The following PCDHGB3 variants were observed in gnomAD, a reference collection of about 807,000 sequenced individuals.
PCDHGB3 encodes protocadherin gamma-B3.
PCDHGB3 carries 40 observed loss-of-function variants against 59.2 expected under a neutral mutation model. That is an observed-to-expected ratio of 0.68 (90% confidence interval 0.52 to 0.88). The LOEUF is 0.88. Ranked by LOEUF, PCDHGB3 falls within the 40% of genes least tolerant of loss-of-function variation. The pLI, the probability that PCDHGB3 is intolerant of heterozygous loss-of-function variation, is 0.00. For missense variants in PCDHGB3, 1,309 were observed against 1,187.9 expected (o/e 1.10, Z -1.50); for synonymous variants, 581 against 503.6 (o/e 1.15, Z -2.06).
chr5:141,375,166 T>A (rs1179986488), intron 1 of PCDHGB3: 2 of 1,613,966 alleles, frequency 1.2e-6, no homozygotes, highest in East Asian at 2.2e-5. Flanking sequence ...AAAGTGCACC[T>A]CCAGGAACAG....
chr5:141,394,996 C>T (rs1331251272), intron 1 of PCDHGB3: 1 of 1,613,916 alleles, frequency 6.2e-7, no homozygotes, highest in African/African-American at 1.3e-5. Flanking sequence ...CTCCAGGATT[C>T]CGGTGGCAGA....
At position 141,385,031 on chromosome 5, in the gene PCDHGB3, T is replaced by C; in HGVS notation, c.2415+12222T>C. The C allele has an allele frequency of 1.9e-6, 3 of 1,614,190 alleles. No individual in the cohort carries two copies. The African/African-American group carries it at 4.0e-5, about 21-fold the overall frequency. The stretch of plus-strand genomic sequence containing the variant: ...GTCTTCCTAGCCTTCGTCCTCGTAC[T>C]GCTGGCGCTCAGGCTGCGGCGCTGG... On this transcript the variant is annotated intron_variant, in intron 1 of 3. Coordinates refer to ENST00000576222, the MANE Select transcript of PCDHGB3 (RefSeq NM_018924.5).
At position 141,491,692 on chromosome 5, in the gene PCDHGB3, C is replaced by A. The variant is rs749349869; in HGVS notation, c.2416-3115C>A. The A allele has an allele frequency of 6.2e-7, 1 of 1,612,592 alleles. No homozygotes were observed. Among genetic ancestry groups the A allele is most frequent in the Non-Finnish European group, 8.5e-7 (1 of 1,179,338 alleles). On this transcript the variant is annotated intron_variant, in intron 1 of 3. Coordinates refer to ENST00000576222, the MANE Select transcript of PCDHGB3 (RefSeq NM_018924.5). This position sits in a 1 kb window ranked among gnomAD's most constrained non-coding sequence, Gnocchi z 6.9. ...GTCCCGCTCTAATACGCTGCGGGAG[C>A]GGAGCCAGGTGAGGGGCTCGGCGCC...
Position 141,476,214 on chromosome 5 carries a change from T to C in PCDHGB3, c.2416-18593T>C, listed in dbSNP as rs768153063. 1 of 1,613,974 alleles carries C rather than the reference T, an allele frequency of 6.2e-7. No homozygotes were observed. Among genetic ancestry groups the C allele is most frequent in the African/African-American group, 1.3e-5 (1 of 74,990 alleles). ...GCCTTGAACAAGGCTTCCACGGTCA[T>C]TCACTATGAGATCCCGGAGGAAAGA... On this transcript the variant is annotated intron_variant, in intron 1 of 3. Coordinates refer to ENST00000576222, the MANE Select transcript of PCDHGB3 (RefSeq NM_018924.5). The surrounding 1 kb of genome is among the most constrained non-coding windows in gnomAD (Gnocchi z 7.6).
In PCDHGB3 at chr5:141,432,770, G is replaced by A. The variant is rs930442281; in HGVS notation, c.2415+59961G>A. The A allele has an allele frequency of 6.2e-7, 1 of 1,614,128 alleles. No individual in the cohort carries two copies. On this transcript the variant is annotated intron_variant, in intron 1 of 3. Coordinates refer to ENST00000576222, the MANE Select transcript of PCDHGB3 (RefSeq NM_018924.5). This position sits in a 1 kb window ranked among gnomAD's most constrained non-coding sequence, Gnocchi z 6.0. ...GGCCGTGGCCGACAGCATCCCCCAAGTCCTGGCGGACCTCGGCAGCCTCGA... is the reference window on the plus strand; with the variant it reads ...GGCCGTGGCCGACAGCATCCCCCAAATCCTGGCGGACCTCGGCAGCCTCGA...
intron 1 of PCDHGB3, among the ~76,000 whole-genome samples, chr5:141,472,445 C>T (rs2099280467): frequency 6.6e-6 from 1 of 151,956 alleles, no homozygotes; most frequent in Non-Finnish European, 1.5e-5. Flanking sequence ...GAGGCTGAGG[C>T]AGGAGAATCG....
chr5:141,403,685 C>A, intron 1 of PCDHGB3: 1 of 1,613,822 alleles, frequency 6.2e-7, no homozygotes, highest in Non-Finnish European at 8.5e-7. Flanking sequence ...TTTTGCTCAA[C>A]GGATTTACCG....
chr5:141,428,194 T>C (rs2097123409), intron 1 of PCDHGB3: 1 of 1,414,108 alleles, frequency 7.1e-7, no homozygotes, highest in Admixed American at 1.8e-5. Flanking sequence ...CGCCGCTCTC[T>C]GCGCCGCTAC....
rs2154581798 is a variant in PCDHGB3, at chr5:141,489,799, G to T, written c.2416-5008G>T. 1 of 1,614,192 alleles carries T rather than the reference G, an allele frequency of 6.2e-7. No homozygotes were observed. The highest frequency in any genetic ancestry group is 2.2e-5 in the East Asian group (1 of 44,884). On this transcript the variant is annotated intron_variant, in intron 1 of 3. Coordinates refer to ENST00000576222, the MANE Select transcript of PCDHGB3 (RefSeq NM_018924.5). The surrounding 1 kb of genome is among the most constrained non-coding windows in gnomAD (Gnocchi z 4.5). Reference sequence around the variant, plus strand: ...CTCTCTGAATGTGAAGACCCTAAAAGATGGGAAGCCATTCCCAGAGCTGGT... The same window carrying T: ...CTCTCTGAATGTGAAGACCCTAAAATATGGGAAGCCATTCCCAGAGCTGGT...
intron 1 of PCDHGB3, chr5:141,427,178 A>G (rs1175390589): frequency 4.4e-6 from 2 of 456,644 alleles, no homozygotes; most frequent in Admixed American, 2.3e-5. Flanking sequence ...AAAATGGGGA[A>G]ATTAAATCCA....
rs1394484191 is a variant in PCDHGB3 at position 141,486,006 on chromosome 5, C to T, written c.2416-8801C>T. The T allele has an allele frequency of 6.2e-7, 1 of 1,614,190 alleles. No individual in the cohort carries two copies. Among genetic ancestry groups the T allele is most frequent in the Non-Finnish European group, 8.5e-7 (1 of 1,180,026 alleles). Reference sequence around the variant, plus strand: ...GACCTGGGTCCCAGTGGTAACGTCACCTTTTATTTCAGTGGTCATACCCCT... The same window carrying T: ...GACCTGGGTCCCAGTGGTAACGTCATCTTTTATTTCAGTGGTCATACCCCT... On this transcript the variant is annotated intron_variant, in intron 1 of 3. Coordinates refer to ENST00000576222, the MANE Select transcript of PCDHGB3 (RefSeq NM_018924.5). This position sits in a 1 kb window ranked among gnomAD's most constrained non-coding sequence, Gnocchi z 5.0.
intron 1 of PCDHGB3, among the ~76,000 whole-genome samples, chr5:141,380,225 C>T (rs1000476704): frequency 6.6e-6 from 1 of 152,124 alleles, no homozygotes; most frequent in Non-Finnish European, 1.5e-5. Context: ...TCTGATCAGG[C>T]TTCTGTTGAG....
intron 1 of PCDHGB3, among the ~76,000 whole-genome samples, chr5:141,373,562 T>C (rs955311782): frequency 2.6e-5 from 4 of 152,186 alleles, no homozygotes; most frequent in African/African-American, 9.7e-5. Context: ...TTACTGAAAA[T>C]GGGACTAGCA....
chr5:141,385,241 G>A lies in PCDHGB3; in HGVS notation c.2415+12432G>A, dbSNP rs749708848. ...CCCAACTATGTAGACATGCTCATCA[G>A]CCAGGAGAGCTGTGAGAAAAATGAT... On this transcript the variant is annotated intron_variant, in intron 1 of 3. Transcript: ENST00000576222. 9 of 1,613,904 alleles carry A rather than the reference G, an allele frequency of 5.6e-6. No homozygotes were observed. The Admixed American group carries it at 1.5e-4, about 27-fold the overall frequency.
intron 1 of PCDHGB3, among the ~76,000 whole-genome samples, chr5:141,451,542 G>A (rs1023356681): frequency 3.3e-5 from 5 of 152,148 alleles, no homozygotes; most frequent in Non-Finnish European, 7.3e-5. Context: ...GCCAGAGAGG[G>A]CAAATGTGAT....
Position 141,486,032 on chromosome 5 carries a change from G to C in PCDHGB3, c.2416-8775G>C, listed in dbSNP as rs560909128. The C allele has an allele frequency of 1.2e-6, 2 of 1,614,166 alleles. No individual in the cohort carries two copies. Among genetic ancestry groups the C allele is most frequent in the African/African-American group, 2.7e-5 (2 of 75,034 alleles). On this transcript the variant is annotated intron_variant, in intron 1 of 3. Transcript: ENST00000576222. This position sits in a 1 kb window ranked among gnomAD's most constrained non-coding sequence, Gnocchi z 5.0. ...CTTTTATTTCAGTGGTCATACCCCT[G>C]ATCGTGTAAGAAACCTCTTTAGCCT... is the stretch of plus-strand genomic sequence containing the variant.
At chr5:141,496,760 G>A (rs144857340) in intron 2 of PCDHGB3, among the ~76,000 whole-genome samples, 4 of 152,108 alleles carry the variant, frequency 2.6e-5, no homozygotes, top group East Asian at 1.9e-4. Context: ...AATATTTATC[G>A]AGCATCTACT....
In PCDHGB3 at chr5:141,476,824, C is replaced by A; in HGVS notation, c.2416-17983C>A. On this transcript the variant is annotated intron_variant, in intron 1 of 3. Coordinates refer to ENST00000576222, the MANE Select transcript of PCDHGB3 (RefSeq NM_018924.5). This position sits in a 1 kb window ranked among gnomAD's most constrained non-coding sequence, Gnocchi z 7.6. Reference sequence around the variant, plus strand: ...TGCCTATTCACATCAAGGTGCTGGACGCGAATGACAATGCGCCTGTCTTCA... The same window carrying A: ...TGCCTATTCACATCAAGGTGCTGGAAGCGAATGACAATGCGCCTGTCTTCA... The A allele has an allele frequency of 1.2e-6, 2 of 1,613,588 alleles. No individual in the cohort carries two copies. The highest frequency in any genetic ancestry group is 1.7e-6 in the Non-Finnish European group (2 of 1,180,036).
intron 1 of PCDHGB3, chr5:141,388,903 A>T: frequency 6.2e-7 from 1 of 1,614,010 alleles, no homozygotes; most frequent in Non-Finnish European, 8.5e-7. Flanking sequence ...GATGAAAATG[A>T]CAACGCCCCA....
Sources: gnomAD v4.1 joint callset for allele counts (sites outside exome capture counted in the v4.1 genomes callset) on GRCh38, gnomAD v4.1.1 for gene constraint, Gnocchi (gnomAD v3.1) non-coding constraint, MANE v1.5 for transcripts, NCBI Gene and HGNC (gene_info 2026-07-23, HGNC 2026-07-21) for gene names.